Variants in RGSL1 observed in about 807,000 individuals in gnomAD.
RGSL1 encodes the protein regulator of G protein signaling protein-like.
RGSL1 carries 97 observed loss-of-function variants against 124.7 expected under a neutral mutation model. The observed-to-expected ratio is 0.78, with a 90% CI of 0.66 to 0.92. The LOEUF is 0.92. Ranked by LOEUF, RGSL1 falls within the 40% of genes least tolerant of loss-of-function variation. The pLI is 0.00. For synonymous variants in RGSL1, 424 were observed against 438.1 expected (o/e 0.97, Z 0.40); for missense variants, 1,233 against 1,288.4 (o/e 0.96, Z 0.66).
intron 9 of RGSL1, among the ~76,000 whole-genome samples, chr1:182,499,505 T>C (rs1039306111): frequency 3.9e-5 from 6 of 152,228 alleles, no homozygotes; most frequent in Non-Finnish European, 7.3e-5. Context: ...TCTGCCTTTT[T>C]TGTTTGTTTT....
chr1:182,469,001 A>T (rs539038643), intron 4 of RGSL1, among the ~76,000 whole-genome samples: 4 of 152,152 alleles, frequency 2.6e-5, no homozygotes, highest in Admixed American at 2.6e-4. Flanking sequence ...CTTACATAAC[A>T]CCCTATATGA....
chr1:182,528,381 G>T (rs889120647), intron 11 of RGSL1, among the ~76,000 whole-genome samples: 3 of 152,102 alleles, frequency 2.0e-5, no homozygotes, highest in African/African-American at 7.2e-5. Context: ...ACACAATCAT[G>T]CCCTTCCAAC....
chr1:182,551,938 A>C lies in RGSL1; in HGVS notation c.3043+729A>C, dbSNP rs1395629102. Among the ~76,000 whole-genome samples, 5 of 152,286 alleles carry C rather than the reference A, an allele frequency of 3.3e-5. No homozygotes were observed. In the South Asian group the frequency reaches 8.3e-4, roughly 25 times the overall value. On this transcript the variant is annotated intron_variant, in intron 18 of 21. Coordinates refer to ENST00000294854, the MANE Select transcript of RGSL1 (RefSeq NM_001137669.2). ...CATTCAGTACAGTAGCATGCTGTAT[A>C]GGTTTGTAGCCTAGAAGCAATAGGT... is the stretch of plus-strand genomic sequence containing the variant.
At chr1:182,559,133 CT>C (rs1052971715) in intron 21 of RGSL1, among the ~76,000 whole-genome samples, 4 of 152,092 alleles carry the variant, frequency 2.6e-5, no homozygotes, top group African/African-American at 9.7e-5. Flanking sequence ...AATATCAGTG[CT>C]CCCTGTGGCT....
chr1:182,515,804 G>A (rs1475108450), intron 9 of RGSL1, among the ~76,000 whole-genome samples: 1 of 152,172 alleles, frequency 6.6e-6, no homozygotes, highest in Non-Finnish European at 1.5e-5. Context: ...GACTCGCCCA[G>A]GTGCCCTAGC....
At chr1:182,558,183 T>C (rs1157675395) in intron 21 of RGSL1, among the ~76,000 whole-genome samples, 1 of 152,198 alleles carries the variant, frequency 6.6e-6, no homozygotes, top group East Asian at 1.9e-4. Context: ...ACAAATTGCA[T>C]TCCTTGCTTT....
At chr1:182,542,114 C>T (rs12038056) in intron 15 of RGSL1, among the ~76,000 whole-genome samples, 78,784 of 151,950 alleles carry the variant, frequency 0.52, 20,680 homozygotes, top group Non-Finnish European at 0.55. Context: ...TGCTTTGGCT[C>T]CCTATGCTTC....
chr1:182,463,405 G>A (rs968530966), intron 4 of RGSL1, among the ~76,000 whole-genome samples: 3 of 151,960 alleles, frequency 2.0e-5, no homozygotes, highest in Admixed American at 6.6e-5. Context: ...ATTACATGCT[G>A]TCTGTAAGAG....
chr1:182,478,771 G>A lies in RGSL1; in HGVS notation c.1431+4229G>A, dbSNP rs1654482480. On this transcript the variant is annotated intron_variant, in intron 6 of 21. Transcript: ENST00000294854. ...GATCTCCAAATAGGCTGAACCTAAA[G>A]AGTTTCATACTCAGACATATGATAA... Among the ~76,000 whole-genome samples, 4 of 152,268 alleles carry A rather than the reference G, an allele frequency of 2.6e-5. No individual in the cohort carries two copies. The South Asian group carries it at 8.3e-4, about 32-fold the overall frequency.
chr1:182,507,141 C>T (rs958957879), intron 9 of RGSL1: 1 of 152,062 alleles, frequency 6.6e-6, no homozygotes, highest in Non-Finnish European at 1.5e-5. Context: ...AAGCATGTGC[C>T]ACCATGCCTG....
intron 4 of RGSL1, among the ~76,000 whole-genome samples, chr1:182,460,996 A>T (rs552939055): frequency 6.6e-6 from 1 of 152,298 alleles, no homozygotes; most frequent in South Asian, 2.1e-4. Context: ...TCCGATTGCT[A>T]CTTCTGATCA....
intron 9 of RGSL1, among the ~76,000 whole-genome samples, chr1:182,521,678 C>A (rs570119194): frequency 1.3e-5 from 2 of 152,140 alleles, no homozygotes; most frequent in Non-Finnish European, 2.9e-5. Context: ...GGAATATGGT[C>A]TAGTAAAAGC....
At chr1:182,509,752 G>C (rs1361867073) in intron 9 of RGSL1, among the ~76,000 whole-genome samples, 2 of 137,574 alleles carry the variant, frequency 1.5e-5, no homozygotes, top group African/African-American at 5.5e-5. Context: ...TGGCACGGCT[G>C]GCCGGGTGGG....
At chr1:182,543,615 A>T (rs1660027078) in intron 15 of RGSL1, among the ~76,000 whole-genome samples, 1 of 152,044 alleles carries the variant, frequency 6.6e-6, no homozygotes, top group African/African-American at 2.4e-5. Context: ...GTTTGAGCAG[A>T]AGTAATATTA....
At chr1:182,486,658 G>A (rs1045356062) in intron 6 of RGSL1, among the ~76,000 whole-genome samples, 3 of 151,806 alleles carry the variant, frequency 2.0e-5, no homozygotes, top group Admixed American at 2.0e-4. Flanking sequence ...CCCAGCCTGA[G>A]TCATAAATCT....
chr1:182,524,403 G>C (rs1658585985), intron 10 of RGSL1, among the ~76,000 whole-genome samples: 1 of 152,156 alleles, frequency 6.6e-6, no homozygotes, highest in South Asian at 2.1e-4. Context: ...GCAAGTGGAA[G>C]TGGAAGGGAA....
chr1:182,471,796 TG>T (rs1481250854), intron 4 of RGSL1, among the ~76,000 whole-genome samples: 1 of 152,178 alleles, frequency 6.6e-6, no homozygotes. Context: ...CAGTAGTTAC[TG>T]GGTTCTGGGA....
At chr1:182,542,564 T>C (rs1659962313) in intron 15 of RGSL1, among the ~76,000 whole-genome samples, 1 of 122,558 alleles carries the variant, frequency 8.2e-6, no homozygotes, top group Non-Finnish European at 1.8e-5. Flanking sequence ...TGTGGTTCCG[T>C]GTAAATTTTA....
At position 182,498,363 on chromosome 1, in the gene RGSL1, C is replaced by A. The variant is rs139222892; in HGVS notation, c.1825+5234C>A. ...TTCCCTGTCTAGCTCTAGAATCAGT[C>A]GTTTATTTGAAGAGCCTCATTCCTT... On this transcript the variant is annotated intron_variant, in intron 9 of 21. Transcript: ENST00000294854. 7.5e-3 allele frequency among the ~76,000 whole-genome samples: 1,091 copies of A among 144,606 alleles called. 13 individuals are homozygous for A. The highest frequency in any genetic ancestry group is 0.026 in the African/African-American group (1,048 of 39,746). The allele number at this position is 144,606 out of a possible 152,430, so 94.9% of individuals were successfully genotyped here.
Sources: allele counts gnomAD v4.1 joint callset (sites outside exome capture counted in the v4.1 genomes callset), GRCh38; gene constraint gnomAD v4.1.1; transcripts MANE v1.5; gene names NCBI Gene and HGNC (gene_info 2026-07-23, HGNC 2026-07-21).